Variants in OMA1 observed in about 807,000 individuals in gnomAD.
The protein encoded by OMA1 is OMA1 zinc metallopeptidase.
A neutral mutation model predicts 30.9 loss-of-function variants in OMA1; 38 were observed. The ratio of observed to expected loss-of-function variants is 1.23; its 90% CI spans 0.95 to 1.61. The LOEUF is 1.61. Ranked by LOEUF, OMA1 falls within the 40% of genes most tolerant of loss-of-function variation. The pLI, the probability that OMA1 is intolerant of heterozygous loss-of-function variation, is 0.00. For missense variants in OMA1, 461 were observed against 349.2 expected, an observed-to-expected ratio of 1.32 and a Z score of -2.55; for synonymous variants, 173 against 121.9, an observed-to-expected ratio of 1.42 and a Z score of -2.76.
rs550245741 is a variant in OMA1 at position 58,512,560 on chromosome 1, T to C, written c.1216-6351A>G. On this transcript the variant is annotated intron_variant, in intron 7 of 8. Coordinates refer to ENST00000371226, the MANE Select transcript of OMA1 (RefSeq NM_145243.5). ...GGTATAAACATACATCAAAATATTA[T>C]TTGGCCTTAAAAAAGGAAATCCTGT... 2.6e-5 allele frequency among the ~76,000 whole-genome samples: 4 copies of C among 152,254 alleles called. No homozygotes were observed. In the East Asian group the frequency reaches 7.7e-4, roughly 29 times the overall value.
chr1:58,538,751 C>CA (rs748013643), intron 2 of OMA1, 44 bp downstream of exon 2: 29 of 709,072 alleles, frequency 4.1e-5, no homozygotes, highest in Non-Finnish European at 6.9e-5. Context: ...AATATTAATG[C>CA]AAAAAGTTAA....
intron 7 of OMA1, among the ~76,000 whole-genome samples, chr1:58,523,943 T>C (rs1018470741): frequency 2.6e-5 from 4 of 152,104 alleles, no homozygotes; most frequent in African/African-American, 9.7e-5. Context: ...GCAAGATAAT[T>C]CTTAACTTTA....
intron 8 of OMA1, among the ~76,000 whole-genome samples, chr1:58,503,059 C>T (rs1036768654): frequency 1.3e-5 from 2 of 152,060 alleles, no homozygotes; most frequent in African/African-American, 4.8e-5. Context: ...TTTACCTCTC[C>T]GAAGATGCTC....
rs1471601695 is a variant in OMA1 at position 58,539,182 on chromosome 1, C to T, written c.113G>A (p.Cys38Tyr). Residue 38 changes from cysteine (C) to tyrosine (Y), a missense_variant, in exon 2 of 9, where the codon TGT (cysteine) becomes TAT (tyrosine). Cys to Tyr is a radical substitution (Grantham distance 194). Transcript: ENST00000371226. ...TATATGGTTAACTTGTACTTGATGA[C>T]AGCCCCGTGAGGTGGATGCTAATGT... ...CNTLASTSRG[C>Y]HQVQVNHIVN... The T allele has an allele frequency of 1.1e-6, 1 of 872,846 alleles. No individual in the cohort carries two copies. Among genetic ancestry groups the T allele is most frequent in the African/African-American group, 1.6e-5 (1 of 61,326 alleles). The allele number at this position is 872,846 out of a possible 1,614,324, so 54.1% of individuals were successfully genotyped here.
chr1:58,526,109 C>T (rs558238614), intron 7 of OMA1, among the ~76,000 whole-genome samples: 1 of 152,050 alleles, frequency 6.6e-6, no homozygotes. Context: ...GATTTCCTAA[C>T]CAGAACACAG....
intron 5 of OMA1, among the ~76,000 whole-genome samples, chr1:58,531,280 A>G (rs959121268): frequency 6.6e-6 from 1 of 152,224 alleles, no homozygotes; most frequent in Non-Finnish European, 1.5e-5. Context: ...TTTATTTTAA[A>G]TAAAAGTATT....
intron 8 of OMA1, among the ~76,000 whole-genome samples, chr1:58,500,234 T>A (rs1459212923): frequency 6.6e-6 from 1 of 152,174 alleles, no homozygotes; most frequent in Admixed American, 6.5e-5. Flanking sequence ...GCTTCCTGGC[T>A]TTATATGATT....
intron 8 of OMA1, among the ~76,000 whole-genome samples, chr1:58,501,927 G>GC (rs781450847): frequency 4.3e-4 from 65 of 151,780 alleles, no homozygotes; most frequent in Admixed American, 1.8e-3. Context: ...CCTCCTCACT[G>GC]CCCCCCACTC....
chr1:58,520,076 C>T (rs1646238604), intron 7 of OMA1, among the ~76,000 whole-genome samples: 1 of 152,024 alleles, frequency 6.6e-6, no homozygotes, highest in Non-Finnish European at 1.5e-5. Flanking sequence ...ATGGGAACAA[C>T]AGACACTGGC....
intron 2 of OMA1, 107 bp downstream of exon 2, chr1:58,538,688 T>C (rs1315628812): frequency 5.4e-6 from 3 of 558,544 alleles, no homozygotes; most frequent in South Asian, 6.5e-5. Context: ...TCTTTAAAAG[T>C]ACAGTTTTAT....
At chr1:58,486,933 C>T (rs937761239) in intron 8 of OMA1, among the ~76,000 whole-genome samples, 13 of 152,206 alleles carry the variant, frequency 8.5e-5, no homozygotes, top group African/African-American at 3.1e-4. Context: ...GAGAGCTAGG[C>T]AGTGGCCAAA....
chr1:58,523,685 G>A (rs1646303373), intron 7 of OMA1, among the ~76,000 whole-genome samples: 1 of 152,142 alleles, frequency 6.6e-6, no homozygotes, highest in Non-Finnish European at 1.5e-5. Flanking sequence ...GGATCACGAG[G>A]TCAGGAGATC....
At chr1:58,485,014 T>C (rs553081739) in intron 8 of OMA1, among the ~76,000 whole-genome samples, 2 of 152,124 alleles carry the variant, frequency 1.3e-5, no homozygotes, top group South Asian at 4.2e-4. Flanking sequence ...GCACTGAATG[T>C]ACAGCACCAA....
Position 58,480,917 on chromosome 1 carries a change from T to C in OMA1, c.*48A>G, listed in dbSNP as rs372259056. The stretch of plus-strand genomic sequence containing the variant: ...TTTTTTAAAAAGTAACATAAAATGA[T>C]AAGGACTGCAACATTCTTCATATAT... On this transcript the variant is annotated 3_prime_UTR_variant, in exon 9 of 9. Coordinates refer to ENST00000371226, the MANE Select transcript of OMA1 (RefSeq NM_145243.5). The C allele has an allele frequency of 5.1e-6, 4 of 780,854 alleles. No homozygotes were observed. In the African/African-American group the frequency reaches 5.2e-5, roughly 10 times the overall value. The allele number at this position is 780,854 out of a possible 1,614,324, so 48.4% of individuals were successfully genotyped here. A position where few individuals can be genotyped will look rare whatever the true frequency, so the allele number is the denominator to read the frequency against.
intron 7 of OMA1, among the ~76,000 whole-genome samples, chr1:58,522,267 A>G (rs756484358): frequency 6.6e-6 from 1 of 152,198 alleles, no homozygotes; most frequent in Non-Finnish European, 1.5e-5. Flanking sequence ...ACTGTGACAC[A>G]TATTTATTAA....
At chr1:58,532,639 T>C (rs1040079695) in intron 5 of OMA1, among the ~76,000 whole-genome samples, 4 of 152,182 alleles carry the variant, frequency 2.6e-5, no homozygotes, top group African/African-American at 9.7e-5. Flanking sequence ...GCAATCCTCC[T>C]GCCTCAGGCT....
intron 8 of OMA1, among the ~76,000 whole-genome samples, chr1:58,495,799 C>T (rs1645790621): frequency 6.6e-6 from 1 of 152,028 alleles, no homozygotes; most frequent in African/African-American, 2.4e-5. Context: ...CTTACACTTC[C>T]TCCAACAGCA....
chr1:58,539,450 C>T (rs1646569422), intron 1 of OMA1, 140 bp from the exon 2 acceptor site: 1 of 589,802 alleles, frequency 1.7e-6, no homozygotes, highest in Non-Finnish European at 3.0e-6. Context: ...AACTCATCAC[C>T]CCTAGAGCAA....
At chr1:58,505,109 C>G (rs1053917480) in intron 8 of OMA1, among the ~76,000 whole-genome samples, 2 of 152,148 alleles carry the variant, frequency 1.3e-5, no homozygotes, top group African/African-American at 4.8e-5. Context: ...CATGCCACCA[C>G]GCCCGCCTAA....
Sources: gnomAD v4.1 joint callset for allele counts (sites outside exome capture counted in the v4.1 genomes callset) on GRCh38, gnomAD v4.1.1 for gene constraint, MANE v1.5 for transcripts, NCBI Gene and HGNC (gene_info 2026-07-23, HGNC 2026-07-21) for gene names.